MINDY3: variants seen among roughly 807,000 people sequenced by gnomAD.
MINDY3 encodes the protein MINDY lysine 48 deubiquitinase 3.
A neutral mutation model predicts 69.2 loss-of-function variants in MINDY3; 38 were observed. That is an observed-to-expected ratio of 0.55 (90% CI 0.42 to 0.72). The LOEUF (loss-of-function observed/expected upper bound fraction) is 0.72. MINDY3 is among the 30% of genes least tolerant of loss of function. The probability of loss-of-function intolerance (pLI) is 0.00; values close to 1 mark genes in which losing one functional copy is unlikely to be tolerated. For missense variants in MINDY3, 522 were observed against 519.0 expected, an observed-to-expected ratio of 1.01 and a Z score of -0.06; for synonymous variants, 192 against 180.1, an observed-to-expected ratio of 1.07 and a Z score of -0.53.
chr10:15,856,464 ATC>A (rs150752948), intron 1 of MINDY3, among the ~76,000 whole-genome samples: 1,981 of 152,122 alleles, frequency 0.013, 32 homozygotes, highest in African/African-American at 0.042. Context: ...GCAAAAATAA[ATC>A]TCTCTCTGAC....
At chr10:15,793,033 G>A (rs1190784926) in intron 11 of MINDY3, among the ~76,000 whole-genome samples, 2 of 152,114 alleles carry the variant, frequency 1.3e-5, no homozygotes, top group African/African-American at 4.8e-5. Flanking sequence ...CGTAACGGAT[G>A]GAGCCATTTT....
chr10:15,846,267 G>A (rs1220198503), intron 2 of MINDY3, among the ~76,000 whole-genome samples: 1 of 152,180 alleles, frequency 6.6e-6, no homozygotes, highest in Admixed American at 6.5e-5. Context: ...GGAAACTCCT[G>A]TGGTATACCC....
Position 15,860,257 on chromosome 10 carries a change from T to C in MINDY3, c.43A>G (p.Thr15Ala). The C allele has an allele frequency of 6.2e-7, 1 of 1,611,000 alleles. No individual in the cohort carries two copies. Among genetic ancestry groups the C allele is most frequent in the Non-Finnish European group, 8.5e-7 (1 of 1,178,758 alleles). ...TKELMELVWG[T>A]KSSPGLSDTI... ...TCCGAGAGACCGGGGCTGCTCTTGG[T>C]GCCCCACACCAGCTCCATCAGCTCT... Residue 15 changes from threonine (T) to alanine (A), a missense_variant, in exon 1 of 15, where the codon ACC (threonine) becomes GCC (alanine). Physicochemically the swap from Thr to Ala is moderately conservative, Grantham distance 58. Coordinates refer to ENST00000277632, the MANE Select transcript of MINDY3 (RefSeq NM_024948.4).
chr10:15,835,029 G>A (rs1163712030), intron 6 of MINDY3, among the ~76,000 whole-genome samples: 3 of 152,026 alleles, frequency 2.0e-5, no homozygotes, highest in Middle Eastern at 3.4e-3. Flanking sequence ...CATGAATATC[G>A]ATAGAGATAT....
At chr10:15,853,985 C>T (rs1047655535) in intron 1 of MINDY3, among the ~76,000 whole-genome samples, 8 of 152,016 alleles carry the variant, frequency 5.3e-5, no homozygotes, top group African/African-American at 7.2e-5. Context: ...CAGAAACAAA[C>T]GTGACTTCTG....
Position 15,841,498 on chromosome 10 carries a change from C to T in MINDY3, c.337G>A (p.Gly113Arg), listed in dbSNP as rs186425844. ...CTAGCAGTTTCCTCAGTTGTCTTTC[C>T]TCTTAACCATGAAACCAAGCAGTAT... Reference protein sequence around the residue: ...GSYCLVSWLRGKTTEETASIS... With the variant: ...GSYCLVSWLRRKTTEETASIS... The change falls in exon 4 of 15, where the codon GGA becomes AGA. Residue 113 changes from glycine to arginine, a missense_variant. Gly to Arg is a moderately radical substitution (Grantham distance 125). Coordinates refer to ENST00000277632, the MANE Select transcript of MINDY3 (RefSeq NM_024948.4). 80 of 1,612,130 alleles carry T rather than the reference C, an allele frequency of 5.0e-5. No individual in the cohort carries two copies. Among genetic ancestry groups the T allele is most frequent in the Non-Finnish European group, 6.7e-5 (79 of 1,178,682 alleles).
At chr10:15,837,053 G>A (rs918227701) in intron 6 of MINDY3, 151 bp downstream of exon 6, 1 of 553,352 alleles carries the variant, frequency 1.8e-6, no homozygotes, top group African/African-American at 2.0e-5. Context: ...AGTGAGTGCT[G>A]AGGAAACAGA....
Position 15,837,314 on chromosome 10 carries a change from T to G in MINDY3, c.466A>C (p.Arg156=). The change falls in exon 6 of 15, where the codon AGA becomes CGA. Residue 156 remains arginine, a synonymous_variant. Transcript: ENST00000277632. ...FERFHALIQK[R]SFRSLPELKD... ...AATTCTGGTAAACTTCTGAACGATCTTTTTCTGGGGGAAAAAAAGAATTAA... is the reference window on the plus strand; with the variant it reads ...AATTCTGGTAAACTTCTGAACGATCGTTTTCTGGGGGAAAAAAAGAATTAA... 1 of 1,584,718 alleles carries G rather than the reference T, an allele frequency of 6.3e-7. No individual in the cohort carries two copies. The highest frequency in any genetic ancestry group is 1.4e-5 in the African/African-American group (1 of 73,546).
intron 14 of MINDY3, 26 bp from the exon 15 acceptor site, chr10:15,779,167 G>T (rs1236987130): frequency 1.2e-6 from 2 of 1,602,948 alleles, no homozygotes; most frequent in East Asian, 2.2e-5. Flanking sequence ...AAGCCACCAA[G>T]GTCAAGCAAC....
Position 15,830,750 on chromosome 10 carries a change from G to A in MINDY3, c.730+2880C>T, listed in dbSNP as rs1233766383. On this transcript the variant is annotated intron_variant, in intron 8 of 14. Coordinates refer to ENST00000277632, the MANE Select transcript of MINDY3 (RefSeq NM_024948.4). The stretch of plus-strand genomic sequence containing the variant: ...GGGTAGGAAAAAGGCTACGATTTTC[G>A]CAGGTAGTGAGGTCTTTGCTTTAGA... Among the ~76,000 whole-genome samples, 6 of 152,320 alleles carry A rather than the reference G, an allele frequency of 3.9e-5. No individual in the cohort carries two copies. In the East Asian group the frequency reaches 7.7e-4, roughly 20 times the overall value.
At chr10:15,834,015 G>A (rs1721802089) in intron 7 of MINDY3, among the ~76,000 whole-genome samples, 1 of 151,824 alleles carries the variant, frequency 6.6e-6, no homozygotes, top group Admixed American at 6.6e-5. Flanking sequence ...CTTTAAAAAT[G>A]AATATATAAT....
At chr10:15,841,722 A>C in intron 3 of MINDY3, 123 bp from the exon 4 acceptor site, 4 of 530,158 alleles carry the variant, frequency 7.5e-6, no homozygotes, top group Non-Finnish European at 1.3e-5. Flanking sequence ...TGGGGGAAAA[A>C]TCTCTAAATA....
intron 5 of MINDY3, 170 bp downstream of exon 5, chr10:15,838,058 T>C (rs1043836997): frequency 1.5e-5 from 15 of 983,322 alleles, no homozygotes; most frequent in Non-Finnish European, 1.8e-5. Flanking sequence ...TTTATACATT[T>C]ACAAACTATT....
intron 4 of MINDY3, among the ~76,000 whole-genome samples, chr10:15,839,321 CTGAAAT>C (rs1240053054): frequency 6.6e-6 from 1 of 151,602 alleles, no homozygotes; most frequent in African/African-American, 2.4e-5. Flanking sequence ...GGGAAACAAA[CTGAAAT>C]TGAACCTGAG....
At chr10:15,859,192 G>A (rs1001558696) in intron 1 of MINDY3, among the ~76,000 whole-genome samples, 16 of 152,064 alleles carry the variant, frequency 1.1e-4, no homozygotes, top group African/African-American at 3.1e-4. Flanking sequence ...TGGGAGGGAG[G>A]GAGAGATTAC....
Position 15,786,563 on chromosome 10 carries a change from G to A in MINDY3, c.1114C>T (p.Gln372Ter). ...GPFLQEFFPDQGSSGPESFTV... is the reference protein window; with the variant it reads ...GPFLQEFFPD ...ATATATTTCCTCAACTATGTTACCTGATCAGGAAAAAATTCTTGAAGAAAT... is the reference window on the plus strand; with the variant it reads ...ATATATTTCCTCAACTATGTTACCTAATCAGGAAAAAATTCTTGAAGAAAT... The change falls in exon 13 of 15, where the codon CAG (glutamine) becomes TAG (stop). Residue 372 changes from glutamine (Q) to a stop codon, truncating the protein, a stop_gained and splice_region_variant. Transcript: ENST00000277632. LOFTEE classifies it high-confidence loss of function. The A allele has an allele frequency of 6.5e-7, 1 of 1,534,534 alleles. No individual in the cohort carries two copies. Among genetic ancestry groups the A allele is most frequent in the Non-Finnish European group, 9.0e-7 (1 of 1,112,010 alleles).
intron 8 of MINDY3, among the ~76,000 whole-genome samples, chr10:15,832,364 G>C (rs1264281796): frequency 6.6e-6 from 1 of 152,064 alleles, no homozygotes; most frequent in East Asian, 1.9e-4. Flanking sequence ...AGAAAGACGG[G>C]AGTGTACAGA....
intron 11 of MINDY3, among the ~76,000 whole-genome samples, chr10:15,791,187 A>C (rs115152951): frequency 0.015 from 2,311 of 152,214 alleles, 48 homozygotes; most frequent in African/African-American, 0.05. Context: ...CAAAACTTTT[A>C]ATATACTCAA....
intron 1 of MINDY3, among the ~76,000 whole-genome samples, chr10:15,854,044 G>A (rs757621245): frequency 1.3e-5 from 2 of 152,090 alleles, no homozygotes; most frequent in African/African-American, 2.4e-5. Flanking sequence ...TCATAAACCA[G>A]TAGACTGATA....
Sources: gnomAD v4.1 joint callset for allele counts (sites outside exome capture counted in the v4.1 genomes callset) on GRCh38, gnomAD v4.1.1 for gene constraint, MANE v1.5 for transcripts, NCBI Gene and HGNC (gene_info 2026-07-23, HGNC 2026-07-21) for gene names.